The following ADAMTS17 variants were observed in gnomAD, a reference collection of about 807,000 sequenced individuals.
The protein encoded by ADAMTS17 is A disintegrin and metalloproteinase with thrombospondin motifs 17.
A neutral mutation model predicts 141.5 loss-of-function variants in ADAMTS17; 113 were observed. The ratio of observed to expected loss-of-function variants is 0.80; its 90% CI spans 0.69 to 0.93. The LOEUF (loss-of-function observed/expected upper bound fraction) is 0.93, where lower values mean the gene tolerates loss of function less well. Ranked by LOEUF, ADAMTS17 falls within the 40% of genes least tolerant of loss-of-function variation. The pLI, the probability that ADAMTS17 is intolerant of heterozygous loss-of-function variation, is 0.00. For missense variants in ADAMTS17, 1,659 were observed against 1,517.9 expected (o/e 1.09, Z -1.54); for synonymous variants, 768 against 630.6 (o/e 1.22, Z -3.27).
Position 100,197,338 on chromosome 15 carries a change from G to C in ADAMTS17, c.1181+1980C>G, listed in dbSNP as rs774616030. On this transcript the variant is annotated intron_variant, in intron 8 of 21. Coordinates refer to ENST00000268070, the MANE Select transcript of ADAMTS17 (RefSeq NM_139057.4). Reference sequence around the variant, plus strand: ...ACTATTCAAAGGCCCATAGCAACTCGGGTGTTGGTAAGTACTCTGACATCC... The same window carrying C: ...ACTATTCAAAGGCCCATAGCAACTCCGGTGTTGGTAAGTACTCTGACATCC... Among the ~76,000 whole-genome samples the C allele has an allele frequency of 5.5e-4, 84 of 152,270 alleles. 1 individual carries two copies. Among genetic ancestry groups the C allele is most frequent in the Admixed American group, 2.6e-3 (40 of 15,308 alleles).
chr15:100,084,426 G>C (rs754589082), intron 15 of ADAMTS17, among the ~76,000 whole-genome samples: 2 of 152,218 alleles, frequency 1.3e-5, no homozygotes. Flanking sequence ...GCAGGGCACA[G>C]ACAAACAAAA....
At chr15:100,015,089 G>T (rs888907286) in intron 18 of ADAMTS17, among the ~76,000 whole-genome samples, 4 of 152,144 alleles carry the variant, frequency 2.6e-5, no homozygotes, top group African/African-American at 9.7e-5. Flanking sequence ...TTTCCTGTTG[G>T]ACAAGACCTT....
In ADAMTS17 at chr15:100,332,305, C is replaced by T. The variant is rs545254687; in HGVS notation, c.451-1251G>A. 2.0e-5 allele frequency among the ~76,000 whole-genome samples: 3 copies of T among 152,318 alleles called. No homozygotes were observed. The South Asian group carries it at 6.2e-4, about 32-fold the overall frequency. On this transcript the variant is annotated intron_variant, in intron 2 of 21. Transcript: ENST00000268070. ...AACTGAAGAAATGGAAGACGGTGGC[C>T]ACAGTGGGATCTGCAGAGCTCCATC...
chr15:100,247,009 G>A (rs566113616), intron 7 of ADAMTS17, among the ~76,000 whole-genome samples: 4 of 152,068 alleles, frequency 2.6e-5, no homozygotes, highest in East Asian at 1.9e-4. Flanking sequence ...TCAGCCTTCC[G>A]AGTAGCTGGG....
intron 10 of ADAMTS17, 122 bp downstream of exon 10, chr15:100,152,490 G>T: frequency 7.7e-7 from 1 of 1,299,582 alleles, no homozygotes; most frequent in Non-Finnish European, 1.1e-6. Context: ...GTATACCTGT[G>T]CTTGTGTGTG....
At chr15:100,105,848 C>T (rs2036384610) in intron 14 of ADAMTS17, among the ~76,000 whole-genome samples, 2 of 151,992 alleles carry the variant, frequency 1.3e-5, no homozygotes, top group South Asian at 2.1e-4. Context: ...TCACCACATC[C>T]AGCTAATTTT....
chr15:100,123,641 C>A (rs560659022), intron 12 of ADAMTS17, among the ~76,000 whole-genome samples: 1 of 152,376 alleles, frequency 6.6e-6, no homozygotes, highest in East Asian at 1.9e-4. Flanking sequence ...ATTTTGCTGG[C>A]CCTTCTAACC....
In ADAMTS17 at chr15:100,051,579, G is replaced by A. The variant is rs146325180; in HGVS notation, c.2448C>T (p.Cys816=). The A allele has an allele frequency of 4.0e-5, 64 of 1,613,526 alleles. No homozygotes were observed. Among genetic ancestry groups the A allele is most frequent in the African/African-American group, 2.0e-4 (15 of 74,986 alleles). Residue 816 remains cysteine, a synonymous_variant, in exon 17 of 22, where the codon TGC becomes TGT. Coordinates refer to ENST00000268070, the MANE Select transcript of ADAMTS17 (RefSeq NM_139057.4). ...HSGWEGCSVQ[C]GGGERRTIVS... is the part of the protein sequence containing the mutation. ...TGGACCACGGCCACTCACCTCCGCC[G>A]CACTGCACACTGCACCCTTCCCAGC... is the stretch of plus-strand genomic sequence containing the variant.
chr15:100,048,323 A>G (rs1457448661), intron 18 of ADAMTS17, among the ~76,000 whole-genome samples: 1 of 152,186 alleles, frequency 6.6e-6, no homozygotes, highest in Non-Finnish European at 1.5e-5. Flanking sequence ...ATTTCACACA[A>G]TTCATCTCCT....
chr15:100,193,399 G>C (rs1314573564), intron 8 of ADAMTS17, among the ~76,000 whole-genome samples: 1 of 152,336 alleles, frequency 6.6e-6, no homozygotes, highest in East Asian at 1.9e-4. Flanking sequence ...GAAGTGGGTG[G>C]GTTATTTTCA....
rs1402140550 is a variant in ADAMTS17, at chr15:100,070,694, C to A, written c.2138-16640G>T. ...AAATAAAGATGTTCTTTGACACCAA[C>A]GAGAACAAAGACACAACATACCAGA... is the stretch of plus-strand genomic sequence containing the variant. On this transcript the variant is annotated intron_variant, in intron 15 of 21. Transcript: ENST00000268070. Among the ~76,000 whole-genome samples the A allele has an allele frequency of 2.0e-5, 3 of 149,714 alleles. 1 individual carries two copies. The highest frequency in any genetic ancestry group is 4.5e-5 in the Non-Finnish European group (3 of 67,372).
At chr15:100,206,986 G>A (rs1268706069) in intron 7 of ADAMTS17, among the ~76,000 whole-genome samples, 2 of 152,212 alleles carry the variant, frequency 1.3e-5, no homozygotes. Flanking sequence ...GGGCTGGTAA[G>A]AGCAAATACG....
chr15:100,029,627 C>G (rs1322852697), intron 18 of ADAMTS17, among the ~76,000 whole-genome samples: 1 of 152,172 alleles, frequency 6.6e-6, no homozygotes, highest in Non-Finnish European at 1.5e-5. Context: ...TCTCTCCCCT[C>G]AGTGGCCTGG....
intron 15 of ADAMTS17, among the ~76,000 whole-genome samples, chr15:100,060,307 T>C (rs771024896): frequency 9.2e-5 from 14 of 152,242 alleles, no homozygotes; most frequent in Non-Finnish European, 1.8e-4. Flanking sequence ...GTGGGTACAC[T>C]TTCCTTTGCC....
intron 13 of ADAMTS17, among the ~76,000 whole-genome samples, chr15:100,113,368 T>A (rs1444847055): frequency 1.3e-5 from 2 of 152,198 alleles, no homozygotes; most frequent in Non-Finnish European, 2.9e-5. Flanking sequence ...TGGACTGATG[T>A]GAGCTCTAGG....
chr15:100,109,057 C>T lies in ADAMTS17; in HGVS notation c.1948G>A (p.Asp650Asn), dbSNP rs145922030. Reference sequence around the variant, plus strand: ...CAGGGTGTACCGTCCAGGACCCTGTCGGCCACCAGCAGTGGGGACTCCTTC... The same window carrying T: ...CAGGGTGTACCGTCCAGGACCCTGTTGGCCACCAGCAGTGGGGACTCCTTC... Reference protein sequence around the residue: ...LGKESPLLVADRVLDGTPCGP... With the variant: ...LGKESPLLVANRVLDGTPCGP... The change falls in exon 14 of 22, where the codon GAC becomes AAC. Residue 650 changes from aspartate to asparagine, a missense_variant. Asp to Asn is a conservative substitution (Grantham distance 23). Coordinates refer to ENST00000268070, the MANE Select transcript of ADAMTS17 (RefSeq NM_139057.4). The T allele has an allele frequency of 2.1e-5, 34 of 1,613,936 alleles. No homozygotes were observed. The highest frequency in any genetic ancestry group is 2.6e-5 in the Non-Finnish European group (31 of 1,180,044).
At chr15:100,105,600 C>A (rs1225580956) in intron 14 of ADAMTS17, among the ~76,000 whole-genome samples, 1 of 152,128 alleles carries the variant, frequency 6.6e-6, no homozygotes, top group African/African-American at 2.4e-5. Context: ...GGAGTGAAGC[C>A]TCTGGGAGGT....
At chr15:100,161,024 G>A (rs964301029) in intron 8 of ADAMTS17, among the ~76,000 whole-genome samples, 2 of 152,198 alleles carry the variant, frequency 1.3e-5, no homozygotes, top group East Asian at 3.8e-4. Context: ...CATTAAGTAT[G>A]CCCAGTAATT....
At chr15:100,317,158 C>T (rs982506272) in intron 3 of ADAMTS17, among the ~76,000 whole-genome samples, 8 of 152,120 alleles carry the variant, frequency 5.3e-5, no homozygotes, top group Non-Finnish European at 2.9e-5. Context: ...TTTCCTCAGT[C>T]GTTTGTCTAA....
Sources: gnomAD v4.1 joint callset for allele counts (sites outside exome capture counted in the v4.1 genomes callset) on GRCh38, gnomAD v4.1.1 for gene constraint, MANE v1.5 for transcripts, NCBI Gene and HGNC (gene_info 2026-07-23, HGNC 2026-07-21) for gene names.